GPC6: variants seen among roughly 807,000 people sequenced by gnomAD.
GPC6 encodes glypican-6.
GPC6 carries 14 observed loss-of-function variants against 55.2 expected under a neutral mutation model. The observed-to-expected ratio is 0.25, with a 90% CI of 0.17 to 0.40. The LOEUF (loss-of-function observed/expected upper bound fraction) is 0.40. GPC6 is among the 10% of genes least tolerant of loss of function. The pLI, the probability that GPC6 is intolerant of heterozygous loss-of-function variation, is 1.00. For missense variants in GPC6, 641 were observed against 708.5 expected, an observed-to-expected ratio of 0.90 and a Z score of 1.08; for synonymous variants, 278 against 259.6, an observed-to-expected ratio of 1.07 and a Z score of -0.68.
At chr13:93,501,761 C>T (rs779739976) in intron 1 of GPC6, among the ~76,000 whole-genome samples, 11 of 152,100 alleles carry the variant, frequency 7.2e-5, no homozygotes, top group Non-Finnish European at 1.0e-4. Context: ...GGTTTCAATT[C>T]GGCTTGTGGA....
intron 3 of GPC6, among the ~76,000 whole-genome samples, chr13:93,985,923 A>G (rs763280623): frequency 5.9e-5 from 9 of 152,002 alleles, no homozygotes; most frequent in Non-Finnish European, 1.2e-4. Flanking sequence ...CCGGTTCTCT[A>G]TGTCTCAGTT....
At chr13:93,934,322 G>C (rs1346820098) in intron 3 of GPC6, among the ~76,000 whole-genome samples, 1 of 151,818 alleles carries the variant, frequency 6.6e-6, no homozygotes. Context: ...AGAATATAAG[G>C]TATCTCAATA....
At chr13:94,172,277 A>G (rs1382064645) in intron 4 of GPC6, among the ~76,000 whole-genome samples, 2 of 152,206 alleles carry the variant, frequency 1.3e-5, no homozygotes, top group South Asian at 2.1e-4. Context: ...TAGATTCCAT[A>G]TGGTGAGAAG....
At chr13:94,153,973 G>A (rs1291674822) in intron 4 of GPC6, among the ~76,000 whole-genome samples, 11 of 152,026 alleles carry the variant, frequency 7.2e-5, no homozygotes, top group Non-Finnish European at 1.3e-4. Context: ...TACTATATAA[G>A]ACTTCATAAA....
At chr13:93,696,408 C>A (rs1882454476) in intron 2 of GPC6, among the ~76,000 whole-genome samples, 1 of 152,104 alleles carries the variant, frequency 6.6e-6, no homozygotes, top group African/African-American at 2.4e-5. Context: ...ATTTAGCAAT[C>A]CTTTTCTCAA....
intron 4 of GPC6, among the ~76,000 whole-genome samples, chr13:94,165,504 A>G (rs1594010601): frequency 6.7e-6 from 1 of 148,414 alleles, no homozygotes; most frequent in Admixed American, 6.8e-5. Context: ...AAATGGTGGG[A>G]GGGGGTGAGG....
intron 2 of GPC6, among the ~76,000 whole-genome samples, chr13:93,678,156 T>C (rs1371499193): frequency 1.3e-5 from 2 of 152,140 alleles, no homozygotes. Flanking sequence ...CCATTTTTTT[T>C]CCTGTTTTAC....
chr13:93,783,477 A>T (rs545618692), intron 2 of GPC6, among the ~76,000 whole-genome samples: 71 of 152,178 alleles, frequency 4.7e-4, no homozygotes, highest in African/African-American at 1.6e-3. Context: ...TTTCTCTGCA[A>T]CCTCACCAGC....
chr13:93,805,316 T>G (rs1222730400), intron 2 of GPC6, among the ~76,000 whole-genome samples: 1 of 152,170 alleles, frequency 6.6e-6, no homozygotes, highest in African/African-American at 2.4e-5. Flanking sequence ...CACCCTGTAT[T>G]CTAAGTGCTT....
intron 1 of GPC6, among the ~76,000 whole-genome samples, chr13:93,353,130 G>A (rs1007756372): frequency 2.0e-5 from 3 of 152,116 alleles, no homozygotes; most frequent in African/African-American, 7.2e-5. Flanking sequence ...GATAAATGGA[G>A]GTGCTTTTTA....
At chr13:93,320,286 G>A (rs1180255173) in intron 1 of GPC6, among the ~76,000 whole-genome samples, 2 of 151,972 alleles carry the variant, frequency 1.3e-5, no homozygotes, top group African/African-American at 4.8e-5. Context: ...ACATTGCCTT[G>A]CAGTTATTAA....
At chr13:94,341,703 A>C (rs1294515770) in intron 6 of GPC6, among the ~76,000 whole-genome samples, 1 of 152,220 alleles carries the variant, frequency 6.6e-6, no homozygotes, top group Admixed American at 6.5e-5. Context: ...ATTTTTTAAA[A>C]TTCAAAGGAA....
chr13:94,055,037 G>A (rs943519067), intron 4 of GPC6, among the ~76,000 whole-genome samples: 2 of 152,152 alleles, frequency 1.3e-5, no homozygotes, highest in African/African-American at 2.4e-5. Flanking sequence ...GTCTCAGAAG[G>A]TTTGTATGAC....
chr13:94,264,793 CA>C lies in GPC6; in HGVS notation c.878-21553del, dbSNP rs565540586. The stretch of plus-strand genomic sequence containing the variant: ...ACCCAAGACGGGTAATTTATAAAGA[CA>C]AAGGGGTTTAATAGACTCACAGTTC... On this transcript the variant is annotated intron_variant, in intron 4 of 8. Transcript: ENST00000377047. Among the ~76,000 whole-genome samples, 637 of 152,278 alleles carry C rather than the reference CA, an allele frequency of 4.2e-3. 8 individuals carry two copies. The highest frequency in any genetic ancestry group is 0.015 in the African/African-American group (606 of 41,548).
At chr13:93,928,856 TACAC>T (rs10642875) in intron 3 of GPC6, among the ~76,000 whole-genome samples, 3,256 of 142,958 alleles carry the variant, frequency 0.023, 106 homozygotes, top group East Asian at 0.15. Flanking sequence ...CCCTGTGTGT[TACAC>T]ACACACACAC....
intron 3 of GPC6, among the ~76,000 whole-genome samples, chr13:93,898,964 T>TAC (rs1383177895): frequency 8.4e-5 from 12 of 143,004 alleles, no homozygotes; most frequent in African/African-American, 3.2e-4. Flanking sequence ...TATATATATA[T>TAC]ATACACACAC....
intron 1 of GPC6, among the ~76,000 whole-genome samples, chr13:93,352,256 A>C (rs1016708768): frequency 2.6e-5 from 4 of 152,190 alleles, no homozygotes; most frequent in African/African-American, 7.2e-5. Flanking sequence ...TTAGTAAATT[A>C]TCTTTTAAAG....
At chr13:93,436,468 A>T (rs572539310) in intron 1 of GPC6, among the ~76,000 whole-genome samples, 1 of 152,288 alleles carries the variant, frequency 6.6e-6, no homozygotes, top group East Asian at 1.9e-4. Context: ...GGATGGTTAA[A>T]TGTTCTATCT....
At chr13:93,578,437 C>T (rs1876771962) in intron 2 of GPC6, among the ~76,000 whole-genome samples, 1 of 151,836 alleles carries the variant, frequency 6.6e-6, no homozygotes, top group Non-Finnish European at 1.5e-5. Flanking sequence ...GAATTTACGT[C>T]TAGGAATTTA....
Sources: allele counts gnomAD v4.1 joint callset (sites outside exome capture counted in the v4.1 genomes callset), GRCh38; gene constraint gnomAD v4.1.1; transcripts MANE v1.5; gene names NCBI Gene and HGNC (gene_info 2026-07-23, HGNC 2026-07-21).